GBE1: variants seen among roughly 807,000 people sequenced by gnomAD.
GBE1 encodes 1,4-alpha-glucan branching enzyme 1.
In GBE1, 70 loss-of-function variants were observed where a neutral mutation model predicts 88.8. That is an observed-to-expected ratio of 0.79 (90% CI 0.65 to 0.96). The LOEUF (loss-of-function observed/expected upper bound fraction) is 0.96. GBE1 is among the 40% of genes least tolerant of loss of function. GBE1 has a pLI of 0.00. For missense variants in GBE1, 872 were observed against 871.0 expected, an observed-to-expected ratio of 1.00 and a Z score of -0.01; for synonymous variants, 284 against 300.1, an observed-to-expected ratio of 0.95 and a Z score of 0.56.
At position 81,537,067 on chromosome 3, in the gene GBE1, T is replaced by G. The variant is rs544404712; in HGVS notation, c.1647A>C (p.Leu549Phe). The change falls in exon 13 of 16, where the codon TTA becomes TTC. Residue 549 changes from leucine to phenylalanine, a missense_variant. Physicochemically the swap from Leu to Phe is conservative, Grantham distance 22. Coordinates refer to ENST00000429644, the MANE Select transcript of GBE1 (RefSeq NM_000158.4). ...MGNEFGHPEW[L>F]DFPRKGNNES... ...CATTATTTCCTTTTCTTGGGAAGTC[T>G]AACCATTCAGGATGCCCAAATTCAT... 1.9e-6 allele frequency: 3 copies of G among 1,554,992 alleles called. No homozygotes were observed. The highest frequency in any genetic ancestry group is 2.8e-5 in the African/African-American group (2 of 71,572).
At chr3:81,719,555 CAT>C (rs1705991805) in intron 1 of GBE1, among the ~76,000 whole-genome samples, 1 of 152,134 alleles carries the variant, frequency 6.6e-6, no homozygotes, top group Non-Finnish European at 1.5e-5. Flanking sequence ...GAAAGAGACA[CAT>C]ATGATTTTAA....
intron 7 of GBE1, among the ~76,000 whole-genome samples, chr3:81,599,318 T>C (rs1559657941): frequency 6.6e-6 from 1 of 151,844 alleles, no homozygotes; most frequent in Non-Finnish European, 1.5e-5. Flanking sequence ...GTGTGTGTGC[T>C]TGTGTGCGTG....
In GBE1 at chr3:81,503,150, G is replaced by A. The variant is rs1702611612; in HGVS notation, c.1935-3923C>T. On this transcript the variant is annotated intron_variant, in intron 14 of 15. Coordinates refer to ENST00000429644, the MANE Select transcript of GBE1 (RefSeq NM_000158.4). Reference sequence around the variant, plus strand: ...CTTTACTCCCCCATTCATTTACTAAGTACATACAATGTACAAGATATTGTG... The same window carrying A: ...CTTTACTCCCCCATTCATTTACTAAATACATACAATGTACAAGATATTGTG... Among the ~76,000 whole-genome samples the A allele has an allele frequency of 2.0e-5, 3 of 152,116 alleles. No individual in the cohort carries two copies. In the South Asian group the frequency reaches 6.2e-4, roughly 31 times the overall value.
chr3:81,497,446 A>G (rs181253044), intron 15 of GBE1, among the ~76,000 whole-genome samples: 1 of 152,298 alleles, frequency 6.6e-6, no homozygotes, highest in Admixed American at 6.5e-5. Context: ...TCTGCTTCCT[A>G]AGAATCTCTT....
chr3:81,668,084 G>A (rs903921315), intron 3 of GBE1, among the ~76,000 whole-genome samples: 6 of 152,162 alleles, frequency 3.9e-5, no homozygotes, highest in African/African-American at 1.4e-4. Flanking sequence ...CATAGATGAA[G>A]CTGGAAGCCA....
intron 6 of GBE1, among the ~76,000 whole-genome samples, chr3:81,643,815 G>A (rs1160935378): frequency 6.6e-6 from 1 of 152,110 alleles, no homozygotes; most frequent in Non-Finnish European, 1.5e-5. Flanking sequence ...AGCAGCAAGA[G>A]CTGTCTTTTT....
chr3:81,628,742 CATATATAT>C (rs71108330), intron 7 of GBE1, among the ~76,000 whole-genome samples: 1,761 of 65,388 alleles, frequency 0.027, 39 homozygotes, highest in Non-Finnish European at 0.034. Flanking sequence ...AGAACAATTG[CATATATAT>C]ATATATATAT....
intron 1 of GBE1, among the ~76,000 whole-genome samples, chr3:81,753,945 G>C (rs1470853996): frequency 1.3e-5 from 2 of 152,128 alleles, no homozygotes; most frequent in Non-Finnish European, 2.9e-5. Flanking sequence ...CCAATTTTTG[G>C]TGTGGTTGGC....
intron 1 of GBE1, among the ~76,000 whole-genome samples, chr3:81,738,115 G>C (rs1706295469): frequency 6.6e-6 from 1 of 151,554 alleles, no homozygotes; most frequent in Admixed American, 6.6e-5. Flanking sequence ...GTATTCCATG[G>C]TGTATATGTG....
intron 12 of GBE1, among the ~76,000 whole-genome samples, chr3:81,553,994 T>C (rs905709532): frequency 6.6e-5 from 10 of 152,094 alleles, no homozygotes; most frequent in Non-Finnish European, 8.8e-5. Flanking sequence ...CAAATGAGAC[T>C]AAATCGAGAA....
intron 12 of GBE1, among the ~76,000 whole-genome samples, chr3:81,557,532 A>T (rs1055467937): frequency 2.6e-5 from 4 of 152,036 alleles, no homozygotes; most frequent in African/African-American, 7.2e-5. Flanking sequence ...GGACAAAAAG[A>T]AAGAAGAAGA....
At chr3:81,716,225 T>A (rs938769116) in intron 1 of GBE1, among the ~76,000 whole-genome samples, 1 of 152,158 alleles carries the variant, frequency 6.6e-6, no homozygotes, top group Non-Finnish European at 1.5e-5. Context: ...TTAAGTGCAA[T>A]GAAAATTGGC....
At chr3:81,655,494 A>G (rs1297564045) in intron 3 of GBE1, among the ~76,000 whole-genome samples, 1 of 151,486 alleles carries the variant, frequency 6.6e-6, no homozygotes, top group Non-Finnish European at 1.5e-5. Context: ...TCCCGAAGAA[A>G]TAAATGTGTG....
At chr3:81,542,207 T>C (rs1266784998) in intron 12 of GBE1, among the ~76,000 whole-genome samples, 1 of 152,118 alleles carries the variant, frequency 6.6e-6, no homozygotes, top group East Asian at 1.9e-4. Flanking sequence ...TATCAATAGG[T>C]ATGCATCTCC....
At chr3:81,710,232 CTTTTTT>C (rs397990331) in intron 1 of GBE1, among the ~76,000 whole-genome samples, 3 of 93,206 alleles carry the variant, frequency 3.2e-5, no homozygotes, top group East Asian at 4.1e-4. Context: ...GGTAATTAAT[CTTTTTT>C]TTTTTTTTTT....
At chr3:81,605,238 T>C (rs1276055321) in intron 7 of GBE1, among the ~76,000 whole-genome samples, 1 of 152,204 alleles carries the variant, frequency 6.6e-6, no homozygotes, top group Non-Finnish European at 1.5e-5. Context: ...CATTGCTGCC[T>C]AGACTTTCAA....
At chr3:81,511,634 A>C (rs1559629125) in intron 14 of GBE1, among the ~76,000 whole-genome samples, 1 of 152,012 alleles carries the variant, frequency 6.6e-6, no homozygotes, top group African/African-American at 2.4e-5. Context: ...CCACAATGAG[A>C]GACCGTTTTA....
chr3:81,571,102 A>G (rs1351172833), intron 12 of GBE1, among the ~76,000 whole-genome samples: 1 of 152,172 alleles, frequency 6.6e-6, no homozygotes, highest in East Asian at 1.9e-4. Context: ...AGGTAAATTC[A>G]AGGTGGAAGG....
At chr3:81,617,634 A>G (rs1704266227) in intron 7 of GBE1, among the ~76,000 whole-genome samples, 1 of 151,938 alleles carries the variant, frequency 6.6e-6, no homozygotes, top group Non-Finnish European at 1.5e-5. Context: ...TATCTTGTTA[A>G]GAATTTTGCT....
Sources: gnomAD v4.1 joint callset for allele counts (sites outside exome capture counted in the v4.1 genomes callset) on GRCh38, gnomAD v4.1.1 for gene constraint, MANE v1.5 for transcripts, NCBI Gene and HGNC (gene_info 2026-07-23, HGNC 2026-07-21) for gene names.